The following ACAN variants were observed in gnomAD, a reference collection of about 807,000 sequenced individuals.
ACAN encodes the protein aggrecan.
ACAN carries 47 observed loss-of-function variants against 169.1 expected under a neutral mutation model. That is an observed-to-expected ratio of 0.28 (90% CI 0.22 to 0.35). The LOEUF (loss-of-function observed/expected upper bound fraction) is 0.35, where lower values mean the gene tolerates loss of function less well. ACAN is among the 10% of genes least tolerant of loss of function. The pLI, the probability that ACAN is intolerant of heterozygous loss-of-function variation, is 1.00. For missense variants in ACAN, 2,716 were observed against 2,759.9 expected (o/e 0.98, Z 0.36); for synonymous variants, 1,115 against 1,112.2 (o/e 1.00, Z -0.05).
intron 1 of ACAN, among the ~76,000 whole-genome samples, chr15:88,834,297 G>T (rs897062565): frequency 6.6e-6 from 1 of 152,192 alleles, no homozygotes; most frequent in Non-Finnish European, 1.5e-5. Context: ...ACTCGTATAT[G>T]TAGCATAGGT....
rs765334806 is a variant in ACAN at position 88,857,284 on chromosome 15, A to G, written c.4699A>G (p.Ser1567Gly). 16 of 1,613,468 alleles carry G rather than the reference A, an allele frequency of 9.9e-6. No homozygotes were observed. The highest frequency in any genetic ancestry group is 1.4e-5 in the Non-Finnish European group (16 of 1,179,816). The change falls in exon 12 of 19, where the codon AGT (serine) becomes GGT (glycine). Residue 1567 changes from serine to glycine, a missense_variant. This residue lies in a region of ACAN where 1,389 missense variants were observed against 1,363.7 expected (regional missense o/e 1.02). Transcript: ENST00000560601. Reference sequence around the variant, plus strand: ...TGCTTCTGAAGTAGGGACTGACCTCAGTGGGCTTCCTTCTGGAAGGGAGGG... The same window carrying G: ...TGCTTCTGAAGTAGGGACTGACCTCGGTGGGCTTCCTTCTGGAAGGGAGGG... ...TSASEVGTDL[S>G]GLPSGREGLE... is the part of the protein sequence containing the mutation.
At chr15:88,864,554 C>A (rs1463351472) in intron 13 of ACAN, among the ~76,000 whole-genome samples, 3 of 152,110 alleles carry the variant, frequency 2.0e-5, no homozygotes, top group Non-Finnish European at 4.4e-5. Context: ...TGTGAGCCAC[C>A]GCGCTGGGCC....
At position 88,869,044 on chromosome 15, in the gene ACAN, C is replaced by T. The variant is rs1429500991; in HGVS notation, c.7060+715C>T. Among the ~76,000 whole-genome samples, 1 of 152,208 alleles carries T rather than the reference C, an allele frequency of 6.6e-6. No individual in the cohort carries two copies. Among genetic ancestry groups the T allele is most frequent in the African/African-American group, 2.4e-5 (1 of 41,456 alleles). ...TACCTCTCTTGGGCCTTGCCAACCTCTCCATTTCTGCACCACTTCTACCAA... is the reference window on the plus strand; with the variant it reads ...TACCTCTCTTGGGCCTTGCCAACCTTTCCATTTCTGCACCACTTCTACCAA... On this transcript the variant is annotated intron_variant, in intron 14 of 18. Transcript: ENST00000560601. The surrounding 1 kb of genome is among the most constrained non-coding windows in gnomAD (Gnocchi z 4.2).
At chr15:88,846,424 G>T (rs116080987) in intron 7 of ACAN, among the ~76,000 whole-genome samples, 5,064 of 152,236 alleles carry the variant, frequency 0.033, 301 homozygotes, top group African/African-American at 0.12. Context: ...ATAATATTTT[G>T]TGACACATGA....
At position 88,861,437 on chromosome 15, in the gene ACAN, T is replaced by A. The variant is rs745767667; in HGVS notation, c.6946+998T>A. ...CCTTTACATCAAACACAGAGAAGAA[T>A]TCTGTGTCTATATATATTAATATAC... On this transcript the variant is annotated intron_variant, in intron 13 of 18. Coordinates refer to ENST00000560601, the MANE Select transcript of ACAN (RefSeq NM_001369268.1). The surrounding 1 kb of genome is among the most constrained non-coding windows in gnomAD (Gnocchi z 6.3). 2.6e-5 allele frequency among the ~76,000 whole-genome samples: 4 copies of A among 152,184 alleles called. No homozygotes were observed. Among genetic ancestry groups the A allele is most frequent in the Non-Finnish European group, 4.4e-5 (3 of 68,046 alleles).
chr15:88,826,357 A>G (rs1327344577), intron 1 of ACAN, among the ~76,000 whole-genome samples: 1 of 148,834 alleles, frequency 6.7e-6, no homozygotes, highest in Non-Finnish European at 1.5e-5. Context: ...GGGCATTTGT[A>G]TAGTGGCCTT....
Position 88,874,193 on chromosome 15 carries a change from C to T in ACAN, c.7630+169C>T, listed in dbSNP as rs533377959. 1.9e-6 allele frequency: 2 copies of T among 1,062,148 alleles called. No homozygotes were observed. Among genetic ancestry groups the T allele is most frequent in the African/African-American group, 1.6e-5 (1 of 63,554 alleles). The allele number at this position is 1,062,148 out of a possible 1,614,324, so 65.8% of individuals were successfully genotyped here. ...TAGCTGACCACTGCCCTTAGAAGGG[C>T]CACGTACTTGTCCCAGGAGAGGGCT... On this transcript the variant is annotated intron_variant, in intron 18 of 18. Transcript: ENST00000560601. The surrounding 1 kb of genome is among the most constrained non-coding windows in gnomAD (Gnocchi z 7.3).
Position 88,838,898 on chromosome 15 carries a change from C to G in ACAN, c.306C>G (p.Asp102Glu). ...TGCGGGTCAACAGTGCCTATCAGGACAAGGTCTCACTGCCCAACTACCCGG... is the reference window on the plus strand; with the variant it reads ...TGCGGGTCAACAGTGCCTATCAGGAGAAGGTCTCACTGCCCAACTACCCGG... ...GRVRVNSAYQ[D>E]KVSLPNYPAI... Residue 102 changes from aspartate to glutamate, a missense_variant, in exon 3 of 19, where the codon GAC (aspartate) becomes GAG (glutamate). Transcript: ENST00000560601. The surrounding 1 kb of genome is among the most constrained non-coding windows in gnomAD (Gnocchi z 5.1). 1.2e-6 allele frequency: 2 copies of G among 1,613,998 alleles called. No individual in the cohort carries two copies. Among genetic ancestry groups the G allele is most frequent in the Middle Eastern group, 3.3e-4 (2 of 6,062 alleles).
Position 88,862,901 on chromosome 15 carries a change from G to A in ACAN, c.6946+2462G>A, listed in dbSNP as rs1024025629. Among the ~76,000 whole-genome samples, 12 of 151,856 alleles carry A rather than the reference G, an allele frequency of 7.9e-5. No homozygotes were observed. In the East Asian group the frequency reaches 1.7e-3, roughly 22 times the overall value. ...TAATCCTAGCTACTCGGGAGGCTGA[G>A]GCAGGAGAACTGTTTGAACCCAGGA... On this transcript the variant is annotated intron_variant, in intron 13 of 18. Coordinates refer to ENST00000560601, the MANE Select transcript of ACAN (RefSeq NM_001369268.1).
rs115764218 is a variant in ACAN at position 88,870,208 on chromosome 15, C to G, written c.7061-1174C>G. On this transcript the variant is annotated intron_variant, in intron 14 of 18. Transcript: ENST00000560601. This position sits in a 1 kb window ranked among gnomAD's most constrained non-coding sequence, Gnocchi z 6.3. ...CCACTGTCCCCAACTGTCTCTCCCC[C>G]ACTTTGCCAAGCATCCACCCCTTCA... Among the ~76,000 whole-genome samples, 1,141 of 152,276 alleles carry G rather than the reference C, an allele frequency of 7.5e-3. 21 individuals carry two copies. The highest frequency in any genetic ancestry group is 0.025 in the African/African-American group (1,035 of 41,554).
In ACAN at chr15:88,840,199, C is replaced by A; in HGVS notation, c.629+13C>A. The A allele has an allele frequency of 6.3e-7, 1 of 1,578,978 alleles. No individual in the cohort carries two copies. Among genetic ancestry groups the A allele is most frequent in the Non-Finnish European group, 8.6e-7 (1 of 1,164,912 alleles). The stretch of plus-strand genomic sequence containing the variant: ...ACCAGACTGTCAGGTGAGCCCTAGC[C>A]CATCAGCTAGTGGGGGCCAGGAGTC... On this transcript the variant is annotated intron_variant, in intron 4 of 18. Coordinates refer to ENST00000560601, the MANE Select transcript of ACAN (RefSeq NM_001369268.1).
intron 6 of ACAN, among the ~76,000 whole-genome samples, chr15:88,845,047 G>A (rs72765690): frequency 0.083 from 12,694 of 152,240 alleles, 658 homozygotes; most frequent in East Asian, 0.19. Context: ...CTATGAGACA[G>A]GCAGTTCTCC....
At chr15:88,819,138 GA>G (rs1896013143) in intron 1 of ACAN, among the ~76,000 whole-genome samples, 2 of 152,164 alleles carry the variant, frequency 1.3e-5, no homozygotes, top group South Asian at 4.2e-4. Flanking sequence ...CCTTGCAGGG[GA>G]CAGTCACACA....
In ACAN at chr15:88,874,858, T is replaced by C. The variant is rs1897474295; in HGVS notation, c.*377T>C. The C allele has an allele frequency of 2.8e-6, 1 of 355,262 alleles. No individual in the cohort carries two copies. The highest frequency in any genetic ancestry group is 5.5e-6 in the Non-Finnish European group (1 of 182,002). 22.0% of individuals were successfully genotyped at this position (355,262 alleles called of 1,614,324 possible). ...CTGACTTTATCCAAGAGCAGTGCAATCGTTGGTTATTTCACCTCCAGGGAG... is the reference window on the plus strand; with the variant it reads ...CTGACTTTATCCAAGAGCAGTGCAACCGTTGGTTATTTCACCTCCAGGGAG... On this transcript the variant is annotated 3_prime_UTR_variant, in exon 19 of 19. Coordinates refer to ENST00000560601, the MANE Select transcript of ACAN (RefSeq NM_001369268.1). The surrounding 1 kb of genome is among the most constrained non-coding windows in gnomAD (Gnocchi z 7.3).
Position 88,859,247 on chromosome 15 carries a change from A to T in ACAN, c.6662A>T (p.Glu2221Val). 2 of 1,613,928 alleles carry T rather than the reference A, an allele frequency of 1.2e-6. No homozygotes were observed. The highest frequency in any genetic ancestry group is 1.7e-6 in the Non-Finnish European group (2 of 1,179,892). ...ATCAGCACCAGCATCCCAGAGTCTG[A>T]GTGGACCCAGCAGACCCAGCGCCCT... ...VVISTSIPES[E>V]WTQQTQRPAE... The change falls in exon 12 of 19, where the codon GAG (glutamate) becomes GTG (valine). Residue 2221 changes from glutamate to valine, a missense_variant. Physicochemically the swap from Glu to Val is moderately radical, Grantham distance 121 (BLOSUM62 -2). Transcript: ENST00000560601.
At chr15:88,817,849 G>GAAAAAAAA (rs10710630) in intron 1 of ACAN, among the ~76,000 whole-genome samples, 121 of 73,272 alleles carry the variant, frequency 1.7e-3, no homozygotes, top group Non-Finnish European at 2.2e-3. Flanking sequence ...GTGAGACTCT[G>GAAAAAAAA]AAAAAAAAAA....
chr15:88,842,944 G>T (rs1366153995), intron 5 of ACAN, among the ~76,000 whole-genome samples: 1 of 152,202 alleles, frequency 6.6e-6, no homozygotes, highest in Non-Finnish European at 1.5e-5. Flanking sequence ...CTCAAGGTCT[G>T]ATGCCTGCTT....
At position 88,838,841 on chromosome 15, in the gene ACAN, G is replaced by A; in HGVS notation, c.249G>A (p.Glu83=). ...GGAGCCGTGTGTCCAAGGAGAAGGAGGTAGTGCTGCTGGTGGCCACTGAAG... is the reference window on the plus strand; with the variant it reads ...GGAGCCGTGTGTCCAAGGAGAAGGAAGTAGTGCTGCTGGTGGCCACTGAAG... ...IKWSRVSKEK[E]VVLLVATEGR... Residue 83 remains glutamate, a synonymous_variant, in exon 3 of 19, where the codon GAG becomes GAA. Transcript: ENST00000560601. This position sits in a 1 kb window ranked among gnomAD's most constrained non-coding sequence, Gnocchi z 5.1. 1.2e-6 allele frequency: 2 copies of A among 1,614,032 alleles called. No individual in the cohort carries two copies. The highest frequency in any genetic ancestry group is 8.5e-7 in the Non-Finnish European group (1 of 1,179,904).
At chr15:88,808,171 A>T (rs1895733397) in intron 1 of ACAN, among the ~76,000 whole-genome samples, 1 of 152,192 alleles carries the variant, frequency 6.6e-6, no homozygotes. Context: ...GGTCTCTGGC[A>T]GTCCCCAGAT....
Sources: gnomAD v4.1 joint callset for allele counts (sites outside exome capture counted in the v4.1 genomes callset) on GRCh38, gnomAD v4.1.1 for gene constraint, gnomAD v4.1.1 regional missense constraint, Gnocchi (gnomAD v3.1) non-coding constraint, MANE v1.5 for transcripts, NCBI Gene and HGNC (gene_info 2026-07-23, HGNC 2026-07-21) for gene names.